Variants in E2F3 observed in about 807,000 individuals in gnomAD.
E2F3 encodes the protein transcription factor E2F3.
Under a neutral mutation model 44.4 loss-of-function variants are expected in E2F3, and 11 were observed. The observed-to-expected ratio is 0.25, with a 90% CI of 0.16 to 0.41. The LOEUF (loss-of-function observed/expected upper bound fraction) is 0.41. Among genes scored for constraint, E2F3 ranks in the 10% least tolerant of loss-of-function variants. E2F3 has a pLI of 1.00. For missense variants in E2F3, 487 were observed against 583.6 expected, an observed-to-expected ratio of 0.83 and a Z score of 1.70; for synonymous variants, 249 against 253.0, an observed-to-expected ratio of 0.98 and a Z score of 0.15.
intron 4 of E2F3, among the ~76,000 whole-genome samples, chr6:20,484,810 A>G (rs1462050200): frequency 1.3e-5 from 2 of 152,164 alleles, no homozygotes; most frequent in East Asian, 3.9e-4. Flanking sequence ...TACTACAGCC[A>G]GGCACGGTGG....
At chr6:20,477,189 G>A (rs987439372) in intron 1 of E2F3, among the ~76,000 whole-genome samples, 11 of 151,988 alleles carry the variant, frequency 7.2e-5, no homozygotes, top group Non-Finnish European at 1.3e-4. Context: ...GATCAGGCTG[G>A]TCTTGAACTC....
rs142771274 is a variant in E2F3, at chr6:20,457,160, C to T, written c.394-22686C>T. On this transcript the variant is annotated intron_variant, in intron 1 of 6. Transcript: ENST00000346618. Reference sequence around the variant, plus strand: ...ACTTGTCAGGTTCAGCTAGTGTACCCTTTGAGATCCTTCATTCTCTCTTTT... The same window carrying T: ...ACTTGTCAGGTTCAGCTAGTGTACCTTTTGAGATCCTTCATTCTCTCTTTT... Among the ~76,000 whole-genome samples the T allele has an allele frequency of 2.4e-3, 372 of 151,948 alleles. 4 individuals are homozygous for T. The highest frequency in any genetic ancestry group is 8.6e-3 in the African/African-American group (356 of 41,436).
intron 4 of E2F3, among the ~76,000 whole-genome samples, chr6:20,483,956 G>C (rs1762311177): frequency 6.6e-6 from 1 of 152,198 alleles, no homozygotes; most frequent in Non-Finnish European, 1.5e-5. Flanking sequence ...GTTGACCAAA[G>C]AATTAACCTT....
chr6:20,464,692 C>T (rs1461666129), intron 1 of E2F3, among the ~76,000 whole-genome samples: 3 of 152,212 alleles, frequency 2.0e-5, no homozygotes, highest in Admixed American at 2.0e-4. Context: ...TTCTGTTTTA[C>T]AGTACTATGT....
chr6:20,403,882 A>T, intron 1 of E2F3: 1 of 1,205,908 alleles, frequency 8.3e-7, no homozygotes, highest in East Asian at 3.1e-5. Context: ...GGGGCACCGG[A>T]TTCTGTTGGG....
intron 1 of E2F3, among the ~76,000 whole-genome samples, chr6:20,463,701 CAG>C (rs1761604123): frequency 6.6e-6 from 1 of 152,168 alleles, no homozygotes; most frequent in Non-Finnish European, 1.5e-5. Flanking sequence ...TGTGCTGAGT[CAG>C]GGGGTACTTT....
intron 1 of E2F3, among the ~76,000 whole-genome samples, chr6:20,439,380 A>C (rs1365405554): frequency 6.6e-6 from 1 of 152,188 alleles, no homozygotes; most frequent in African/African-American, 2.4e-5. Flanking sequence ...AGGGAGGAGG[A>C]GGAGGCTTAC....
At chr6:20,462,701 G>A (rs1054736422) in intron 1 of E2F3, among the ~76,000 whole-genome samples, 9 of 151,248 alleles carry the variant, frequency 6.0e-5, no homozygotes, top group African/African-American at 1.7e-4. Context: ...CAGGTAATCC[G>A]CCCACCTCGG....
intron 1 of E2F3, chr6:20,452,362 T>G (rs1448816003): frequency 6.6e-6 from 1 of 152,180 alleles, no homozygotes; most frequent in Non-Finnish European, 1.5e-5. Context: ...GTGGACTATT[T>G]TTGTTTTTTT....
chr6:20,417,320 C>T (rs1400902020), intron 1 of E2F3, among the ~76,000 whole-genome samples: 1 of 152,154 alleles, frequency 6.6e-6, no homozygotes, highest in Non-Finnish European at 1.5e-5. Flanking sequence ...GTCTTCCCCC[C>T]AATCCCAACT....
At chr6:20,430,640 T>C (rs936006100) in intron 1 of E2F3, among the ~76,000 whole-genome samples, 2 of 152,186 alleles carry the variant, frequency 1.3e-5, no homozygotes, top group African/African-American at 4.8e-5. Context: ...AAAATCCTTT[T>C]TATGGGTTGG....
chr6:20,472,432 A>T (rs1452666323), intron 1 of E2F3, among the ~76,000 whole-genome samples: 1 of 152,120 alleles, frequency 6.6e-6, no homozygotes, highest in African/African-American at 2.4e-5. Flanking sequence ...CACATCTGTA[A>T]TCTCAACACT....
At chr6:20,440,688 T>C (rs1462836906) in intron 1 of E2F3, among the ~76,000 whole-genome samples, 1 of 152,216 alleles carries the variant, frequency 6.6e-6, no homozygotes, top group Non-Finnish European at 1.5e-5. Context: ...AAAAGCTCAT[T>C]AAAAAATGAC....
chr6:20,468,477 T>G (rs1013339504), intron 1 of E2F3, among the ~76,000 whole-genome samples: 1 of 152,176 alleles, frequency 6.6e-6, no homozygotes, highest in African/African-American at 2.4e-5. Context: ...TTCCATGACC[T>G]CCTTGCATGC....
chr6:20,431,192 G>A lies in E2F3; in HGVS notation c.393+28567G>A, dbSNP rs79370428. 5.8e-3 allele frequency among the ~76,000 whole-genome samples: 885 copies of A among 152,224 alleles called. 12 individuals carry two copies. Among genetic ancestry groups the A allele is most frequent in the African/African-American group, 0.02 (828 of 41,522 alleles). On this transcript the variant is annotated intron_variant, in intron 1 of 6. Coordinates refer to ENST00000346618, the MANE Select transcript of E2F3 (RefSeq NM_001949.5). ...CATCAGCTGACACCTGAATCTACCCGGTGGGAGGAATGCAACTGTCTCTGG... is the reference window on the plus strand; with the variant it reads ...CATCAGCTGACACCTGAATCTACCCAGTGGGAGGAATGCAACTGTCTCTGG...
At chr6:20,444,735 CACA>C (rs759815406) in intron 1 of E2F3, among the ~76,000 whole-genome samples, 9 of 150,984 alleles carry the variant, frequency 6.0e-5, no homozygotes, top group South Asian at 2.1e-4. Flanking sequence ...ACGAAAAAAA[CACA>C]ACAACAACAG....
intron 1 of E2F3, among the ~76,000 whole-genome samples, chr6:20,462,485 T>C (rs1581630500): frequency 1.3e-5 from 2 of 150,014 alleles, no homozygotes; most frequent in South Asian, 2.1e-4. Flanking sequence ...TGAGACAGAG[T>C]CTCACTCTGT....
In E2F3 at chr6:20,402,303, T is replaced by C. The variant is rs1759327771; in HGVS notation, c.71T>C (p.Val24Ala). 8 of 1,607,328 alleles carry C rather than the reference T, an allele frequency of 5.0e-6. No individual in the cohort carries two copies. Among genetic ancestry groups the C allele is most frequent in the Non-Finnish European group, 6.8e-6 (8 of 1,178,242 alleles). The change falls in exon 1 of 7, where the codon GTC (valine) becomes GCC (alanine). Residue 24 changes from valine (V) to alanine (A), a missense_variant. This residue lies in a region of E2F3 where 238 missense variants were observed against 236.0 expected (regional missense o/e 1.01). Coordinates refer to ENST00000346618, the MANE Select transcript of E2F3 (RefSeq NM_001949.5). The surrounding 1 kb of genome is among the most constrained non-coding windows in gnomAD (Gnocchi z 5.6). Reference protein sequence around the residue: ...VTAGGGEGAAVVAAAAAASMD... With the variant: ...VTAGGGEGAAAVAAAAAASMD... ...GCCGGGGGTGGGGAGGGGGCGGCTG[T>C]CGTCGCCGCCGCCGCTGCAGCCTCC...
At chr6:20,409,169 G>T (rs955999830) in intron 1 of E2F3, among the ~76,000 whole-genome samples, 6 of 152,168 alleles carry the variant, frequency 3.9e-5, no homozygotes, top group Non-Finnish European at 7.3e-5. Flanking sequence ...GGGTGTGTAG[G>T]ACACATTTTA....
Sources: gnomAD v4.1 joint callset for allele counts (sites outside exome capture counted in the v4.1 genomes callset) on GRCh38, gnomAD v4.1.1 for gene constraint, gnomAD v4.1.1 regional missense constraint, Gnocchi (gnomAD v3.1) non-coding constraint, MANE v1.5 for transcripts, NCBI Gene and HGNC (gene_info 2026-07-23, HGNC 2026-07-21) for gene names.